Variants in RNF150 observed in about 807,000 individuals in gnomAD.
RNF150 encodes the protein ring finger protein 150.
Under a neutral mutation model 39.3 loss-of-function variants are expected in RNF150, and 24 were observed. The ratio of observed to expected loss-of-function variants is 0.61; its 90% CI spans 0.44 to 0.86. The LOEUF is 0.86. Among genes scored for constraint, RNF150 ranks in the 40% least tolerant of loss-of-function variants. The pLI is 0.00. For synonymous variants in RNF150, 255 were observed against 227.3 expected (o/e 1.12, Z -1.10); for missense variants, 502 against 587.8 (o/e 0.85, Z 1.51).
intron 6 of RNF150, among the ~76,000 whole-genome samples, chr4:140,881,757 T>C (rs1029271492): frequency 6.6e-6 from 1 of 152,108 alleles, no homozygotes; most frequent in Non-Finnish European, 1.5e-5. Context: ...GACATGTACC[T>C]GCAGTCCCAG....
upstream of RNF150, chr4:141,212,889 G>A (rs1728492532): frequency 2.6e-5 from 4 of 152,404 alleles, no homozygotes; most frequent in Non-Finnish European, 5.9e-5. Context: ...CCGAGCGGGA[G>A]AGAGAGAGAG....
chr4:140,932,976 G>A (rs1413932923), intron 4 of RNF150, among the ~76,000 whole-genome samples: 2 of 152,224 alleles, frequency 1.3e-5, no homozygotes, highest in African/African-American at 2.4e-5. Flanking sequence ...TTAAGCCACT[G>A]AGAGTTGGGT....
chr4:141,086,207 T>C (rs894929144), intron 1 of RNF150, among the ~76,000 whole-genome samples: 3 of 152,156 alleles, frequency 2.0e-5, no homozygotes, highest in African/African-American at 7.2e-5. Context: ...GTTGTTCAAA[T>C]TTTCTGCATC....
chr4:141,135,278 A>G (rs1225110702), upstream of RNF150, among the ~76,000 whole-genome samples: 1 of 152,246 alleles, frequency 6.6e-6, no homozygotes, highest in Non-Finnish European at 1.5e-5. Flanking sequence ...CTCTCCATTC[A>G]GAGGCCAAAA....
intron 1 of RNF150, among the ~76,000 whole-genome samples, chr4:141,115,388 C>G (rs937951261): frequency 6.6e-6 from 1 of 152,188 alleles, no homozygotes; most frequent in Non-Finnish European, 1.5e-5. Flanking sequence ...AACTCCCATT[C>G]ACAATTGCTA....
intron 1 of RNF150, among the ~76,000 whole-genome samples, chr4:141,012,714 C>T (rs1445165122): frequency 7.6e-6 from 1 of 131,354 alleles, no homozygotes; most frequent in African/African-American, 2.9e-5. Flanking sequence ...ACCCAGGAGG[C>T]GGATGATGCA....
At chr4:140,986,624 T>C (rs1401267426) in intron 1 of RNF150, among the ~76,000 whole-genome samples, 1 of 152,028 alleles carries the variant, frequency 6.6e-6, no homozygotes, top group Non-Finnish European at 1.5e-5. Flanking sequence ...CATCCTGTCA[T>C]GGTAGATGAA....
intron 1 of RNF150, among the ~76,000 whole-genome samples, chr4:141,168,125 G>A (rs1480179621): frequency 6.6e-6 from 1 of 152,086 alleles, no homozygotes; most frequent in Non-Finnish European, 1.5e-5. Flanking sequence ...CCATCAAAAA[G>A]CGGGCAAAGG....
chr4:141,080,572 TAGA>T (rs1738111038), intron 1 of RNF150, among the ~76,000 whole-genome samples: 1 of 152,206 alleles, frequency 6.6e-6, no homozygotes, highest in Non-Finnish European at 1.5e-5. Flanking sequence ...CAACGTCTCC[TAGA>T]AGAAGTCCAT....
chr4:140,910,607 G>C (rs6537017), intron 6 of RNF150, among the ~76,000 whole-genome samples: 43,197 of 152,046 alleles, frequency 0.28, 6,800 homozygotes, highest in East Asian at 0.69. Context: ...CATCTAAAGG[G>C]ATGCCATTCA....
At chr4:140,881,858 G>A (rs912503957) in intron 6 of RNF150, among the ~76,000 whole-genome samples, 2 of 151,722 alleles carry the variant, frequency 1.3e-5, no homozygotes, top group Non-Finnish European at 2.9e-5. Context: ...TCTAGGCTGG[G>A]TGACAAAGCA....
At chr4:141,031,029 C>T (rs1436667353) in intron 1 of RNF150, among the ~76,000 whole-genome samples, 2 of 151,956 alleles carry the variant, frequency 1.3e-5, no homozygotes, top group East Asian at 3.9e-4. Context: ...AACAATCCTA[C>T]TGGCCAGTCT....
chr4:141,016,162 T>G (rs1241793294), intron 1 of RNF150, among the ~76,000 whole-genome samples: 1 of 152,178 alleles, frequency 6.6e-6, no homozygotes, highest in Admixed American at 6.5e-5. Flanking sequence ...TGACAATACC[T>G]GCTGTTTACT....
chr4:141,031,953 GATA>G (rs1735962626), intron 1 of RNF150, among the ~76,000 whole-genome samples: 3 of 151,726 alleles, frequency 2.0e-5, no homozygotes, highest in Non-Finnish European at 2.9e-5. Flanking sequence ...CAATAGTCAA[GATA>G]TAAAATTAAC....
At chr4:140,991,680 C>T (rs1238211595) in intron 1 of RNF150, among the ~76,000 whole-genome samples, 1 of 152,088 alleles carries the variant, frequency 6.6e-6, no homozygotes, top group Admixed American at 6.6e-5. Flanking sequence ...AAGACAGTTA[C>T]ATATTTGGGT....
chr4:140,961,827 C>T (rs1170589695), intron 2 of RNF150, among the ~76,000 whole-genome samples: 1 of 152,004 alleles, frequency 6.6e-6, no homozygotes, highest in African/African-American at 2.4e-5. Flanking sequence ...CACTTTCATA[C>T]CACTACCTTT....
chr4:141,083,728 C>T (rs1560729522), intron 1 of RNF150, among the ~76,000 whole-genome samples: 1 of 152,036 alleles, frequency 6.6e-6, no homozygotes, highest in Admixed American at 6.6e-5. Flanking sequence ...GTCAGAGTGG[C>T]AGAATGTGTA....
In RNF150 at chr4:141,009,105, C is replaced by T. The variant is rs534186488; in HGVS notation, c.485-41232G>A. Among the ~76,000 whole-genome samples the T allele has an allele frequency of 2.5e-4, 38 of 152,122 alleles. 1 individual carries two copies. In the South Asian group the frequency reaches 6.8e-3, roughly 27 times the overall value. ...ATTTATAAAAGAAAATAGCAGATAA[C>T]GTCAAATGTTATCAAGAACGTGGAG... On this transcript the variant is annotated intron_variant, in intron 1 of 6. Coordinates refer to ENST00000515673, the MANE Select transcript of RNF150 (RefSeq NM_020724.2).
chr4:141,206,186 G>T (rs1362995290), intron 1 of RNF150, among the ~76,000 whole-genome samples: 2 of 151,960 alleles, frequency 1.3e-5, no homozygotes, highest in Non-Finnish European at 2.9e-5. Flanking sequence ...TTGGGAGGCC[G>T]AGGCAGGTGG....
Sources: gnomAD v4.1 joint callset for allele counts (sites outside exome capture counted in the v4.1 genomes callset) on GRCh38, gnomAD v4.1.1 for gene constraint, MANE v1.5 for transcripts, NCBI Gene and HGNC (gene_info 2026-07-23, HGNC 2026-07-21) for gene names.